The following ARL1 variants were observed in gnomAD, a reference collection of about 807,000 sequenced individuals.
The protein encoded by ARL1 is ADP-ribosylation factor-like protein 1.
A neutral mutation model predicts 30.1 loss-of-function variants in ARL1; 17 were observed. The ratio of observed to expected loss-of-function variants is 0.56; its 90% CI spans 0.39 to 0.85. The LOEUF (loss-of-function observed/expected upper bound fraction) is 0.85, where lower values mean the gene tolerates loss of function less well. Ranked by LOEUF, ARL1 falls within the 40% of genes least tolerant of loss-of-function variation. The pLI, the probability that ARL1 is intolerant of heterozygous loss-of-function variation, is 0.00. For missense variants in ARL1, 102 were observed against 212.6 expected (o/e 0.48, Z 3.24); for synonymous variants, 58 against 71.7 (o/e 0.81, Z 0.97).
At chr12:101,401,333 C>A in intron 3 of ARL1, 160 bp from the exon 4 acceptor site, 1 of 524,840 alleles carries the variant, frequency 1.9e-6, no homozygotes, top group Non-Finnish European at 3.3e-6. Flanking sequence ...GTGATGGAGT[C>A]AAAAGAATGT....
intron 5 of ARL1, 35 bp downstream of exon 5, chr12:101,396,364 A>C: frequency 6.2e-7 from 1 of 1,613,530 alleles, no homozygotes; most frequent in Non-Finnish European, 8.5e-7. Context: ...AGCACACACA[A>C]ATGCACAGAT....
At chr12:101,397,410 G>C (rs187819809) in intron 4 of ARL1, among the ~76,000 whole-genome samples, 167 of 152,126 alleles carry the variant, frequency 1.1e-3, no homozygotes, top group Middle Eastern at 6.8e-3. Context: ...AAACAAAAAA[G>C]GAAGCAGAGA....
chr12:101,405,404 G>A (rs1255553095), intron 2 of ARL1, among the ~76,000 whole-genome samples: 1 of 152,016 alleles, frequency 6.6e-6, no homozygotes, highest in Non-Finnish European at 1.5e-5. Context: ...AAAACCAGTG[G>A]GTATTTGTTA....
rs145532183 is a variant in ARL1, at chr12:101,404,793, G to A, written c.142+1051C>T. Among the ~76,000 whole-genome samples, 481 of 152,270 alleles carry A rather than the reference G, an allele frequency of 3.2e-3. 5 individuals carry two copies. The highest frequency in any genetic ancestry group is 0.011 in the African/African-American group (464 of 41,540). ...AACAGTATTCTCATATAGTCAGTAAGACTGTTGGAGAATATTTTTGTAAGA... is the reference window on the plus strand; with the variant it reads ...AACAGTATTCTCATATAGTCAGTAAAACTGTTGGAGAATATTTTTGTAAGA... On this transcript the variant is annotated intron_variant, in intron 2 of 5. Transcript: ENST00000261636.
intron 3 of ARL1, among the ~76,000 whole-genome samples, chr12:101,401,971 T>C (rs1871315905): frequency 6.6e-6 from 1 of 152,090 alleles, no homozygotes; most frequent in African/African-American, 2.4e-5. Context: ...GAGCCTACTC[T>C]GGCTTGGGAG....
intron 1 of ARL1, chr12:101,407,083 A>G (rs1351666897): frequency 6.5e-6 from 1 of 152,730 alleles, no homozygotes; most frequent in Admixed American, 6.5e-5. Context: ...TTTGCCGACT[A>G]GAAATACCCG....
Position 101,395,503 on chromosome 12 carries a change from A to G in ARL1, c.*137T>C. The G allele has an allele frequency of 3.2e-6, 2 of 624,774 alleles. No homozygotes were observed. The highest frequency in any genetic ancestry group is 2.5e-4 in the Middle Eastern group (1 of 3,958). The allele number at this position is 624,774 out of a possible 1,614,324, so 38.7% of individuals were successfully genotyped here. A position where few individuals can be genotyped will look rare whatever the true frequency, so the allele number is the denominator to read the frequency against. On this transcript the variant is annotated 3_prime_UTR_variant, in exon 6 of 6. Coordinates refer to ENST00000261636, the MANE Select transcript of ARL1 (RefSeq NM_001177.6). The stretch of plus-strand genomic sequence containing the variant: ...AACTAAATACTTATTTTCCCTATTT[A>G]CTACAAATATTGCAGTCAGTCAGTA...
chr12:101,396,620 C>T (rs931359980), intron 4 of ARL1, 43 bp from the exon 5 acceptor site: 2 of 1,531,228 alleles, frequency 1.3e-6, no homozygotes, highest in African/African-American at 1.4e-5. Context: ...AACTAATGTG[C>T]TCTCTCGAGT....
chr12:101,398,725 ACCACACCT>A, intron 4 of ARL1, among the ~76,000 whole-genome samples: 2 of 152,172 alleles, frequency 1.3e-5, no homozygotes, highest in African/African-American at 4.8e-5. Context: ...GGCGTGAGCC[ACCACACCT>A]GGCCTGTGTC....
chr12:101,401,982 G>C (rs1463071689), intron 3 of ARL1, among the ~76,000 whole-genome samples: 1 of 151,952 alleles, frequency 6.6e-6, no homozygotes, highest in Non-Finnish European at 1.5e-5. Flanking sequence ...GGCTTGGGAG[G>C]CTGCACAATT....
intron 4 of ARL1, among the ~76,000 whole-genome samples, chr12:101,398,482 C>T (rs555162572): frequency 6.6e-6 from 1 of 152,138 alleles, no homozygotes; most frequent in East Asian, 1.9e-4. Flanking sequence ...TGGAGTCTCA[C>T]TCCATCACTC....
intron 2 of ARL1, among the ~76,000 whole-genome samples, chr12:101,404,410 C>G (rs1871384474): frequency 6.6e-6 from 1 of 152,150 alleles, no homozygotes; most frequent in African/African-American, 2.4e-5. Context: ...TGGTGTAAAG[C>G]AGCACTCACT....
chr12:101,405,296 G>GA (rs1303113811), intron 2 of ARL1, among the ~76,000 whole-genome samples: 2 of 151,906 alleles, frequency 1.3e-5, no homozygotes, highest in Middle Eastern at 3.4e-3. Context: ...ACAAATACAG[G>GA]AAAAAAAGGC....
At chr12:101,400,954 A>G in intron 4 of ARL1, 108 bp downstream of exon 4, 1 of 730,452 alleles carries the variant, frequency 1.4e-6, no homozygotes, top group Non-Finnish European at 2.2e-6. Flanking sequence ...AAAAGAAAAT[A>G]ATTTTAAAAG....
At chr12:101,407,544 C>G in intron 1 of ARL1, 98 bp downstream of exon 1, 1 of 1,545,672 alleles carries the variant, frequency 6.5e-7, no homozygotes, top group East Asian at 2.3e-5. Flanking sequence ...GAGCTGGCTA[C>G]TCTAGGGTAT....
At chr12:101,395,880 A>G (rs1435512793) in intron 5 of ARL1, among the ~76,000 whole-genome samples, 4 of 152,198 alleles carry the variant, frequency 2.6e-5, no homozygotes, top group Non-Finnish European at 5.9e-5. Flanking sequence ...AAGACCAAAT[A>G]CCTATTTTCC....
At chr12:101,401,024 T>C (rs1163265375) in intron 4 of ARL1, 38 bp downstream of exon 4, 1 of 1,337,394 alleles carries the variant, frequency 7.5e-7, no homozygotes, top group Non-Finnish European at 1.1e-6. Context: ...AATATGTAAA[T>C]GACTGCCCCA....
rs1355948584 is a variant in ARL1 at position 101,395,727 on chromosome 12, CA to C, written c.516-58del. 7.9e-5 allele frequency: 100 copies of C among 1,271,868 alleles called. No individual in the cohort carries two copies. In the African/African-American group the frequency reaches 9.7e-4, roughly 12 times the overall value. 78.8% of individuals were successfully genotyped at this position (1,271,868 alleles called of 1,614,324 possible). A position where few individuals can be genotyped will look rare whatever the true frequency, so the allele number is the denominator to read the frequency against. ...TTAATTTTCAGGTATAAAGCATGAT[CA>C]TCTATAATAAACTTTGTATTGGAGG... On this transcript the variant is annotated intron_variant, in intron 5 of 5. Transcript: ENST00000261636.
At position 101,395,269 on chromosome 12, in the gene ARL1, TTAAGA is replaced by T. The variant is rs958378762; in HGVS notation, c.*366_*370del. ...TTCATTTTAAGGGGAAAAAAATCTG[TTAAGA>T]TATTTTTTAGTATTTATACAAACAA... On this transcript the variant is annotated 3_prime_UTR_variant, in exon 6 of 6. Coordinates refer to ENST00000261636, the MANE Select transcript of ARL1 (RefSeq NM_001177.6). The T allele has an allele frequency of 5.8e-6, 1 of 172,084 alleles. No homozygotes were observed. The highest frequency in any genetic ancestry group is 1.2e-5 in the Non-Finnish European group (1 of 81,464). 10.7% of individuals were successfully genotyped at this position (172,084 alleles called of 1,614,324 possible). A position where few individuals can be genotyped will look rare whatever the true frequency, so the allele number is the denominator to read the frequency against.
Sources: allele counts gnomAD v4.1 joint callset (sites outside exome capture counted in the v4.1 genomes callset), GRCh38; gene constraint gnomAD v4.1.1; transcripts MANE v1.5; gene names NCBI Gene and HGNC (gene_info 2026-07-23, HGNC 2026-07-21).